The following GALNTL6 variants were observed in gnomAD, a reference collection of about 807,000 sequenced individuals.
GALNTL6 encodes the protein polypeptide N-acetylgalactosaminyltransferase like 6, also known as polypeptide N-acetylgalactosaminyltransferase-like 6.
GALNTL6 carries 46 observed loss-of-function variants against 73.7 expected under a neutral mutation model. That is an observed-to-expected ratio of 0.62 (90% CI 0.49 to 0.80). The LOEUF (loss-of-function observed/expected upper bound fraction) is 0.80. Ranked by LOEUF, GALNTL6 falls within the 30% of genes least tolerant of loss-of-function variation. The probability of loss-of-function intolerance (pLI) is 0.00; values close to 1 mark genes in which losing one functional copy is unlikely to be tolerated. For synonymous variants in GALNTL6, 259 were observed against 263.7 expected (o/e 0.98, Z 0.17); for missense variants, 604 against 755.0 (o/e 0.80, Z 2.34).
chr4:173,000,291 T>C (rs1751990760), intron 10 of GALNTL6, among the ~76,000 whole-genome samples: 1 of 152,182 alleles, frequency 6.6e-6, no homozygotes, highest in Non-Finnish European at 1.5e-5. Flanking sequence ...CTTCAGAATA[T>C]GTGCATTTAA....
At chr4:172,597,015 C>A (rs911367528) in intron 5 of GALNTL6, among the ~76,000 whole-genome samples, 2 of 152,036 alleles carry the variant, frequency 1.3e-5, no homozygotes, top group African/African-American at 4.8e-5. Flanking sequence ...GTATAAATAG[C>A]AAAATTACAT....
chr4:172,566,706 AAT>A (rs1319398489), intron 5 of GALNTL6, among the ~76,000 whole-genome samples: 3 of 152,008 alleles, frequency 2.0e-5, no homozygotes, highest in Non-Finnish European at 2.9e-5. Context: ...TAAAATAGAG[AAT>A]AGAAAAACAA....
chr4:172,156,540 AATATATAT>A (rs5864120), intron 2 of GALNTL6, among the ~76,000 whole-genome samples: 45 of 125,186 alleles, frequency 3.6e-4, no homozygotes, highest in South Asian at 1.4e-3. Flanking sequence ...ATATATATAT[AATATATAT>A]ATATATATAT....
chr4:171,848,688 A>AC (rs760213459), intron 2 of GALNTL6, among the ~76,000 whole-genome samples: 15 of 152,010 alleles, frequency 9.9e-5, no homozygotes, highest in Non-Finnish European at 1.5e-4. Flanking sequence ...TCATGAACCA[A>AC]CCTCTCCTGG....
rs139782569 is a variant in GALNTL6 at position 172,866,459 on chromosome 4, G to A, written c.924-16331G>A. On this transcript the variant is annotated intron_variant, in intron 7 of 12. Transcript: ENST00000506823. ...CCATTGTCCAGTGGGGATAAGAACT[G>A]TATCTAACTCATAGGGCGAGTTGTG... 7.9e-5 allele frequency among the ~76,000 whole-genome samples: 12 copies of A among 152,324 alleles called. No homozygotes were observed. The East Asian group carries it at 2.3e-3, about 29-fold the overall frequency.
chr4:171,927,853 A>C (rs1418499897), intron 2 of GALNTL6, among the ~76,000 whole-genome samples: 1 of 152,134 alleles, frequency 6.6e-6, no homozygotes, highest in Non-Finnish European at 1.5e-5. Context: ...TCTCAGCTCA[A>C]ATGCCACAGT....
At chr4:172,011,668 A>ATAACATATT (rs1741011725) in intron 2 of GALNTL6, among the ~76,000 whole-genome samples, 1 of 152,066 alleles carries the variant, frequency 6.6e-6, no homozygotes, top group Admixed American at 6.6e-5. Flanking sequence ...TTAAACCTCT[A>ATAACATATT]GTTACAGAAT....
chr4:171,923,317 T>C (rs533861632), intron 2 of GALNTL6, among the ~76,000 whole-genome samples: 72 of 152,034 alleles, frequency 4.7e-4, no homozygotes, highest in Middle Eastern at 3.4e-3. Flanking sequence ...GTGCCTGTTA[T>C]GGTGTTGCTG....
intron 5 of GALNTL6, among the ~76,000 whole-genome samples, chr4:172,760,576 C>T (rs1019488085): frequency 5.9e-5 from 9 of 152,170 alleles, no homozygotes; most frequent in African/African-American, 2.2e-4. Context: ...AACATTGATG[C>T]CCTGCTTCTC....
In GALNTL6 at chr4:172,122,207, A is replaced by T. The variant is rs546353445; in HGVS notation, c.139-107449A>T. Reference sequence around the variant, plus strand: ...ACTCACCCACTAGGTAGACTAAAGCATCTCATAGCTCAGGTTCAGTCAAGT... The same window carrying T: ...ACTCACCCACTAGGTAGACTAAAGCTTCTCATAGCTCAGGTTCAGTCAAGT... On this transcript the variant is annotated intron_variant, in intron 2 of 12. Coordinates refer to ENST00000506823, the MANE Select transcript of GALNTL6 (RefSeq NM_001034845.3). Among the ~76,000 whole-genome samples the T allele has an allele frequency of 2.0e-4, 30 of 151,946 alleles. No individual in the cohort carries two copies. In the East Asian group the frequency reaches 5.8e-3, roughly 29 times the overall value.
chr4:172,841,738 C>T (rs1362187168), intron 7 of GALNTL6, among the ~76,000 whole-genome samples: 1 of 152,168 alleles, frequency 6.6e-6, no homozygotes, highest in Non-Finnish European at 1.5e-5. Context: ...AAACCACCTC[C>T]ATAATCCAAT....
rs879646189 is a variant in GALNTL6 at position 172,369,573 on chromosome 4, G to A, written c.553+20884G>A. Among the ~76,000 whole-genome samples the A allele has an allele frequency of 2.7e-4, 41 of 152,202 alleles. 1 individual carries two copies. Among genetic ancestry groups the A allele is most frequent in the Non-Finnish European group, 5.1e-4 (35 of 68,038 alleles). On this transcript the variant is annotated intron_variant, in intron 5 of 12. Transcript: ENST00000506823. ...GCTGCATGGGAGCACCCTGGGGGGC[G>A]GGGCTTGGGCATGGCGGGCTGCAGG...
At chr4:172,187,409 C>T (rs529245622) in intron 2 of GALNTL6, among the ~76,000 whole-genome samples, 3 of 151,972 alleles carry the variant, frequency 2.0e-5, no homozygotes, top group Admixed American at 6.6e-5. Context: ...GCCAGCTTTC[C>T]GTAAAAATTA....
chr4:172,420,032 A>T (rs1730997350), intron 5 of GALNTL6, among the ~76,000 whole-genome samples: 1 of 152,214 alleles, frequency 6.6e-6, no homozygotes, highest in South Asian at 2.1e-4. Context: ...ATTAAAGACT[A>T]AACTTTGGAT....
chr4:172,723,668 T>C (rs983935832), intron 5 of GALNTL6, among the ~76,000 whole-genome samples: 1 of 152,172 alleles, frequency 6.6e-6, no homozygotes, highest in Admixed American at 6.5e-5. Context: ...TAAATCCCCA[T>C]TTCCTCAACC....
intron 5 of GALNTL6, among the ~76,000 whole-genome samples, chr4:172,781,088 A>G (rs1739347908): frequency 6.6e-6 from 1 of 152,348 alleles, no homozygotes; most frequent in African/African-American, 2.4e-5. Context: ...TAGGCAGTTC[A>G]GCAGATGAAA....
At chr4:172,164,972 T>C (rs952977552) in intron 2 of GALNTL6, among the ~76,000 whole-genome samples, 6 of 152,134 alleles carry the variant, frequency 3.9e-5, no homozygotes, top group African/African-American at 1.2e-4. Flanking sequence ...GCTCGCCTTA[T>C]CAACCTGTGC....
intron 3 of GALNTL6, among the ~76,000 whole-genome samples, chr4:172,240,262 C>T (rs999039155): frequency 2.0e-4 from 31 of 152,066 alleles, no homozygotes; most frequent in South Asian, 2.1e-4. Flanking sequence ...CTCACTCTGT[C>T]GCCCAAGCTG....
chr4:172,144,954 T>C (rs1043488763), intron 2 of GALNTL6, among the ~76,000 whole-genome samples: 5 of 152,086 alleles, frequency 3.3e-5, no homozygotes, highest in African/African-American at 9.7e-5. Context: ...TTAAGTCTTA[T>C]GGAAATACAA....
Sources: gnomAD v4.1 joint callset for allele counts (sites outside exome capture counted in the v4.1 genomes callset) on GRCh38, gnomAD v4.1.1 for gene constraint, MANE v1.5 for transcripts, NCBI Gene and HGNC (gene_info 2026-07-23, HGNC 2026-07-21) for gene names.